Variants in SPPL2A observed in about 807,000 individuals in gnomAD.
SPPL2A encodes signal peptide peptidase like 2A, also known as signal peptide peptidase-like 2A.
A neutral mutation model predicts 63.8 loss-of-function variants in SPPL2A; 51 were observed. That is an observed-to-expected ratio of 0.80 (90% confidence interval 0.64 to 1.01). The LOEUF (loss-of-function observed/expected upper bound fraction) is 1.01. SPPL2A is among the 50% of genes least tolerant of loss of function. The pLI is 0.00. For missense variants in SPPL2A, 553 were observed against 622.7 expected, an observed-to-expected ratio of 0.89 and a Z score of 1.19; for synonymous variants, 188 against 205.8, an observed-to-expected ratio of 0.91 and a Z score of 0.74.
rs2062769603 is a variant in SPPL2A at position 50,736,147 on chromosome 15, A to C, written c.886T>G (p.Cys296Gly). Residue 296 changes from cysteine (C) to glycine (G), a missense_variant, in exon 8 of 15, where the codon TGC becomes GGC. Physicochemically the swap from Cys to Gly is radical, Grantham distance 159 (BLOSUM62 -3). Transcript: ENST00000261854. ...GCCCAAACAACAGCTACTGCTATGC[A>C]CAGTCCAGAGAGAAAAATAAGTCTC... Reference protein sequence around the residue: ...EVRLIFLSGLCIAVAVVWAVF... With the variant: ...EVRLIFLSGLGIAVAVVWAVF... 2 of 1,613,334 alleles carry C rather than the reference A, an allele frequency of 1.2e-6. No homozygotes were observed. Among genetic ancestry groups the C allele is most frequent in the East Asian group, 4.5e-5 (2 of 44,816 alleles).
chr15:50,763,719 AAACC>A (rs1378899898), intron 1 of SPPL2A, among the ~76,000 whole-genome samples: 1 of 152,126 alleles, frequency 6.6e-6, no homozygotes, highest in Non-Finnish European at 1.5e-5. Flanking sequence ...CAACATAGTG[AAACC>A]CCCATCTCTA....
At position 50,748,888 on chromosome 15, in the gene SPPL2A, C is replaced by A; in HGVS notation, c.178-18G>T. ...ATGGAAGTCTGAAAATAAGAAATGT[C>A]TTTTTAACATGTTAAAAATCTATTT... On this transcript the variant is annotated intron_variant, in intron 2 of 14. Coordinates refer to ENST00000261854, the MANE Select transcript of SPPL2A (RefSeq NM_032802.4). 6.6e-7 allele frequency: 1 copy of A among 1,509,488 alleles called. No homozygotes were observed. The highest frequency in any genetic ancestry group is 8.9e-7 in the Non-Finnish European group (1 of 1,118,332). 93.5% of individuals were successfully genotyped at this position (1,509,488 alleles called of 1,614,324 possible). A position where few individuals can be genotyped will look rare whatever the true frequency, so the allele number is the denominator to read the frequency against.
In SPPL2A at chr15:50,704,191, T is replaced by C. The variant is rs1035173457; in HGVS notation, c.*3609A>G. ...AACCCCGTCTCTACTAAAAATACTA[T>C]ATTAGCCGGGTGTGGTGGCACATGC... On this transcript the variant is annotated 3_prime_UTR_variant, in exon 15 of 15. Coordinates refer to ENST00000261854, the MANE Select transcript of SPPL2A (RefSeq NM_032802.4). 6.6e-6 allele frequency: 1 copy of C among 151,726 alleles called. No homozygotes were observed. Among genetic ancestry groups the C allele is most frequent in the African/African-American group, 2.4e-5 (1 of 41,312 alleles). The allele number at this position is 151,726 out of a possible 1,614,324, so 9.4% of individuals were successfully genotyped here. A position where few individuals can be genotyped will look rare whatever the true frequency, so the allele number is the denominator to read the frequency against.
chr15:50,754,918 G>T (rs1021254725), intron 1 of SPPL2A, among the ~76,000 whole-genome samples: 89 of 151,710 alleles, frequency 5.9e-4, no homozygotes, highest in African/African-American at 1.9e-3. Flanking sequence ...GGAGGCAGAG[G>T]TTGCGGTGAG....
chr15:50,716,626 TCTCA>T (rs528423064), intron 14 of SPPL2A, among the ~76,000 whole-genome samples: 20 of 152,360 alleles, frequency 1.3e-4, no homozygotes, highest in Non-Finnish European at 2.1e-4. Context: ...GCACATGTGC[TCTCA>T]CTAACAATCC....
At chr15:50,737,828 A>G (rs2062783726) in intron 6 of SPPL2A, among the ~76,000 whole-genome samples, 1 of 151,876 alleles carries the variant, frequency 6.6e-6, no homozygotes, top group Non-Finnish European at 1.5e-5. Context: ...TCCCAACACT[A>G]TAGGAGGCCG....
chr15:50,764,005 A>T (rs534066864), intron 1 of SPPL2A, among the ~76,000 whole-genome samples: 5 of 152,354 alleles, frequency 3.3e-5, no homozygotes, highest in African/African-American at 1.2e-4. Context: ...AAGGCTATGA[A>T]ATCAAATGAC....
chr15:50,717,968 G>GTTTTTT lies in SPPL2A; in HGVS notation c.1488+1966_1488+1971dup, dbSNP rs57049574. Among the ~76,000 whole-genome samples, 54 of 91,660 alleles carry GTTTTTT rather than the reference G, an allele frequency of 5.9e-4. 2 individuals are homozygous for GTTTTTT. Among genetic ancestry groups the GTTTTTT allele is most frequent in the East Asian group, 1.2e-3 (3 of 2,606 alleles). 60.1% of individuals were successfully genotyped at this position (91,660 alleles called of 152,430 possible). On this transcript the variant is annotated intron_variant, in intron 14 of 14. Transcript: ENST00000261854. ...TATTCCTCACTAGACTGTAACTTTC[G>GTTTTTT]TTTTTTTTTTTTTTTTTTTTTGAGA...
intron 10 of SPPL2A, among the ~76,000 whole-genome samples, chr15:50,729,764 C>T (rs1393925758): frequency 6.6e-6 from 1 of 152,138 alleles, no homozygotes; most frequent in African/African-American, 2.4e-5. Context: ...TACAGTTTGT[C>T]TTTATGCCAT....
chr15:50,722,175 A>G lies in SPPL2A; in HGVS notation c.1276T>C (p.Phe426Leu), dbSNP rs1475503053. ...PGLLIAYCRRFDVQTGSSYIY... is the reference protein window; with the variant it reads ...PGLLIAYCRRLDVQTGSSYIY... ...TAAGAAGAACCAGTCTGAACATCAA[A>G]TCTTCTACAGTATGCAATCAACAGG... Residue 426 changes from phenylalanine (F) to leucine (L), a missense_variant, in exon 13 of 15, where the codon TTT (phenylalanine) becomes CTT (leucine). Physicochemically the swap from Phe to Leu is conservative, Grantham distance 22. Transcript: ENST00000261854. The G allele has an allele frequency of 6.3e-7, 1 of 1,599,084 alleles. No homozygotes were observed. The highest frequency in any genetic ancestry group is 8.5e-7 in the Non-Finnish European group (1 of 1,169,728).
At chr15:50,744,035 T>G (rs903598353) in intron 5 of SPPL2A, among the ~76,000 whole-genome samples, 15 of 151,972 alleles carry the variant, frequency 9.9e-5, no homozygotes, top group African/African-American at 3.6e-4. Context: ...AAAAATTAGC[T>G]GGGTGTGGTA....
In SPPL2A at chr15:50,704,957, C is replaced by T. The variant is rs1023779349; in HGVS notation, c.*2843G>A. 6.6e-6 allele frequency: 1 copy of T among 152,042 alleles called. No individual in the cohort carries two copies. The highest frequency in any genetic ancestry group is 2.4e-5 in the African/African-American group (1 of 41,392). The allele number at this position is 152,042 out of a possible 1,614,324, so 9.4% of individuals were successfully genotyped here. On this transcript the variant is annotated 3_prime_UTR_variant, in exon 15 of 15. Transcript: ENST00000261854. The stretch of plus-strand genomic sequence containing the variant: ...TCGGATTTCAGATTTCTGGATGTAC[C>T]AGTTACTATGCTACTGAGGAGATAC...
At chr15:50,745,554 T>G (rs964727569) in intron 5 of SPPL2A, among the ~76,000 whole-genome samples, 7 of 150,712 alleles carry the variant, frequency 4.6e-5, no homozygotes, top group Admixed American at 6.6e-5. Flanking sequence ...TGGCCTTTTT[T>G]TTTTTTTTTT....
chr15:50,732,398 T>G (rs1014299117), intron 9 of SPPL2A, among the ~76,000 whole-genome samples: 5 of 152,132 alleles, frequency 3.3e-5, no homozygotes, highest in Non-Finnish European at 2.9e-5. Flanking sequence ...AAGGACTGAT[T>G]GCAAAGGCCA....
At chr15:50,720,695 T>C (rs1327237610) in intron 13 of SPPL2A, among the ~76,000 whole-genome samples, 1 of 151,876 alleles carries the variant, frequency 6.6e-6, no homozygotes, top group Non-Finnish European at 1.5e-5. Context: ...AATTTTGTAT[T>C]TTTTAGCAGA....
At chr15:50,723,712 G>C (rs2062665099) in intron 12 of SPPL2A, among the ~76,000 whole-genome samples, 3 of 152,194 alleles carry the variant, frequency 2.0e-5, no homozygotes, top group African/African-American at 7.2e-5. Flanking sequence ...CTGTCCTCAA[G>C]TGATCTACCT....
intron 1 of SPPL2A, among the ~76,000 whole-genome samples, chr15:50,763,192 T>C (rs918783478): frequency 6.6e-6 from 1 of 151,972 alleles, no homozygotes; most frequent in Admixed American, 6.6e-5. Flanking sequence ...GGTAGAAGAC[T>C]TCAGACAGAG....
chr15:50,728,493 G>A (rs892195871), intron 10 of SPPL2A, among the ~76,000 whole-genome samples: 2 of 150,158 alleles, frequency 1.3e-5, no homozygotes, highest in South Asian at 2.1e-4. Flanking sequence ...ACAGGTGCCC[G>A]CCACCATGCC....
At chr15:50,726,733 C>T in intron 10 of SPPL2A, among the ~76,000 whole-genome samples, 1 of 152,110 alleles carries the variant, frequency 6.6e-6, no homozygotes, top group East Asian at 1.9e-4. Flanking sequence ...TACATTATGC[C>T]TTATACTATA....
Sources: allele counts gnomAD v4.1 joint callset (sites outside exome capture counted in the v4.1 genomes callset), GRCh38; gene constraint gnomAD v4.1.1; transcripts MANE v1.5; gene names NCBI Gene and HGNC (gene_info 2026-07-23, HGNC 2026-07-21).